ANKRD27: variants seen among roughly 807,000 people sequenced by gnomAD.
The protein encoded by ANKRD27 is ankyrin repeat domain-containing protein 27.
In ANKRD27, 112 loss-of-function variants were observed where a neutral mutation model predicts 129.7. That is an observed-to-expected ratio of 0.86 (90% CI 0.74 to 1.01). The LOEUF is 1.01. Among genes scored for constraint, ANKRD27 ranks in the 50% least tolerant of loss-of-function variants. ANKRD27 has a pLI of 0.00. For synonymous variants in ANKRD27, 516 were observed against 511.2 expected (o/e 1.01, Z -0.13); for missense variants, 1,258 against 1,300.5 (o/e 0.97, Z 0.50).
At chr19:32,653,840 A>C (rs1967468717) in intron 2 of ANKRD27, among the ~76,000 whole-genome samples, 1 of 152,196 alleles carries the variant, frequency 6.6e-6, no homozygotes, top group Admixed American at 6.5e-5. Flanking sequence ...GCGGCCCAGC[A>C]GCGTGCACGC....
At chr19:32,599,894 A>G (rs892611530) in intron 27 of ANKRD27, 78 bp downstream of exon 27, 1 of 1,513,618 alleles carries the variant, frequency 6.6e-7, no homozygotes. Context: ...ATAACCAATT[A>G]CAATTGAAGC....
At chr19:32,643,380 G>T (rs914062678) in intron 7 of ANKRD27, 28 bp from the exon 8 acceptor site, 13 of 1,613,812 alleles carry the variant, frequency 8.1e-6, no homozygotes, top group Admixed American at 1.7e-5. Context: ...CCCATTCAGG[G>T]TGTGAGCGGG....
chr19:32,614,088 G>A (rs1971875408), intron 22 of ANKRD27, among the ~76,000 whole-genome samples: 1 of 151,924 alleles, frequency 6.6e-6, no homozygotes, highest in East Asian at 1.9e-4. Flanking sequence ...GGCGTGGCAG[G>A]GAGAGAGGTG....
Position 32,640,252 on chromosome 19 carries a change from C to T in ANKRD27, c.983+55G>A, listed in dbSNP as rs551638632. The T allele has an allele frequency of 3.1e-5, 46 of 1,479,764 alleles. No homozygotes were observed. The East Asian group carries it at 3.7e-4, about 12-fold the overall frequency. The allele number at this position is 1,479,764 out of a possible 1,614,324, so 91.7% of individuals were successfully genotyped here. On this transcript the variant is annotated intron_variant, in intron 11 of 28. Coordinates refer to ENST00000306065, the MANE Select transcript of ANKRD27 (RefSeq NM_032139.3). ...TGCTGGGATTACAGGCGTGAGCCACCGTGCCCGGCCAAGCACTGCCATTTT... is the reference window on the plus strand; with the variant it reads ...TGCTGGGATTACAGGCGTGAGCCACTGTGCCCGGCCAAGCACTGCCATTTT...
intron 22 of ANKRD27, among the ~76,000 whole-genome samples, chr19:32,609,724 T>C (rs1200778977): frequency 1.3e-5 from 2 of 151,842 alleles, no homozygotes; most frequent in Non-Finnish European, 2.9e-5. Flanking sequence ...AGGGAAACGT[T>C]GTGTATCTTG....
intron 4 of ANKRD27, among the ~76,000 whole-genome samples, chr19:32,644,779 C>G (rs1348640771): frequency 6.6e-6 from 1 of 152,210 alleles, no homozygotes; most frequent in Non-Finnish European, 1.5e-5. Flanking sequence ...CAAATGAAGA[C>G]TTATTATTTA....
chr19:32,619,596 G>A (rs1274991522), intron 18 of ANKRD27, 43 bp from the exon 19 acceptor site: 2 of 1,609,664 alleles, frequency 1.2e-6, no homozygotes, highest in South Asian at 2.2e-5. Context: ...CGTGAGATGG[G>A]GGTCGTCTCA....
At chr19:32,626,865 C>T (rs748565834) in intron 15 of ANKRD27, 38 bp from the exon 16 acceptor site, 8 of 1,462,218 alleles carry the variant, frequency 5.5e-6, no homozygotes, top group East Asian at 2.4e-5. Context: ...AGAAGGAAGG[C>T]GCAGAGGCCT....
intron 17 of ANKRD27, among the ~76,000 whole-genome samples, chr19:32,623,723 A>AT (rs909346536): frequency 4.6e-5 from 7 of 151,468 alleles, no homozygotes; most frequent in African/African-American, 1.7e-4. Context: ...TAATTTTTGT[A>AT]TTTTTTTAGT....
intron 2 of ANKRD27, among the ~76,000 whole-genome samples, chr19:32,656,123 A>AAAGAAAGAAAG (rs1568417894): frequency 2.5e-5 from 3 of 117,930 alleles, no homozygotes; most frequent in African/African-American, 9.8e-5. Context: ...AAAAGAAAAG[A>AAAGAAAGAAAG]AAAGAAAAGA....
At chr19:32,615,282 G>A (rs1399848445) in intron 22 of ANKRD27, among the ~76,000 whole-genome samples, 1 of 152,158 alleles carries the variant, frequency 6.6e-6, no homozygotes, top group Non-Finnish European at 1.5e-5. Context: ...ACTTTCCTGA[G>A]GGAAAAAGGA....
chr19:32,604,797 C>G (rs370086715), intron 24 of ANKRD27, among the ~76,000 whole-genome samples: 9 of 152,258 alleles, frequency 5.9e-5, no homozygotes, highest in East Asian at 1.9e-4. Context: ...GTGGCCCATG[C>G]CTATAATCCC....
rs1484799460 is a variant in ANKRD27 at position 32,597,073 on chromosome 19, T to C, written c.*1072A>G. 3 of 152,600 alleles carry C rather than the reference T, an allele frequency of 2.0e-5. No homozygotes were observed. The highest frequency in any genetic ancestry group is 4.8e-5 in the African/African-American group (2 of 41,446). The allele number at this position is 152,600 out of a possible 1,614,324, so 9.5% of individuals were successfully genotyped here. Reference sequence around the variant, plus strand: ...ACATATCCAAGGCACATTAGAAAATTAGAAATCATAAATTACTTTGTAGAA... The same window carrying C: ...ACATATCCAAGGCACATTAGAAAATCAGAAATCATAAATTACTTTGTAGAA... On this transcript the variant is annotated 3_prime_UTR_variant, in exon 29 of 29. Transcript: ENST00000306065.
intron 1 of ANKRD27, chr19:32,673,476 G>A: frequency 1.0e-6 from 1 of 985,246 alleles, no homozygotes; most frequent in Non-Finnish European, 1.2e-6. Flanking sequence ...CCCACCAGGT[G>A]AGCCCTCAAC....
At chr19:32,658,641 G>C (rs1967588835) in intron 2 of ANKRD27, among the ~76,000 whole-genome samples, 1 of 152,202 alleles carries the variant, frequency 6.6e-6, no homozygotes, top group Non-Finnish European at 1.5e-5. Context: ...GTGAGACCAA[G>C]TGTCACTGGG....
In ANKRD27 at chr19:32,654,207, GT is replaced by G. The variant is rs577733370; in HGVS notation, c.103-4416del. Among the ~76,000 whole-genome samples, 47 of 152,162 alleles carry G rather than the reference GT, an allele frequency of 3.1e-4. 1 individual carries two copies. The South Asian group carries it at 9.3e-3, about 30-fold the overall frequency. ...GAGCCACCATGCCTGGCCAAGACATGTTTTTAAGTGATTTCACATTTTTTGG... is the reference window on the plus strand; with the variant it reads ...GAGCCACCATGCCTGGCCAAGACATGTTTTAAGTGATTTCACATTTTTTGG... On this transcript the variant is annotated intron_variant, in intron 2 of 28. Transcript: ENST00000306065.
chr19:32,643,085 C>G (rs756550155), intron 9 of ANKRD27, 38 bp downstream of exon 9: 5 of 1,605,466 alleles, frequency 3.1e-6, no homozygotes, highest in Non-Finnish European at 4.3e-6. Context: ...GCACCCCTGC[C>G]TCTGAGGACA....
chr19:32,639,276 G>A, intron 12 of ANKRD27, 80 bp downstream of exon 12: 1 of 1,556,108 alleles, frequency 6.4e-7, no homozygotes, highest in Non-Finnish European at 8.8e-7. Context: ...GAATCCGTCT[G>A]CCCACATACC....
At chr19:32,648,383 T>G (rs952378046) in intron 3 of ANKRD27, among the ~76,000 whole-genome samples, 5 of 152,236 alleles carry the variant, frequency 3.3e-5, no homozygotes, top group African/African-American at 1.2e-4. Context: ...TTGGAGGACA[T>G]TCTATCAATG....
Sources: gnomAD v4.1 joint callset for allele counts (sites outside exome capture counted in the v4.1 genomes callset) on GRCh38, gnomAD v4.1.1 for gene constraint, MANE v1.5 for transcripts, NCBI Gene and HGNC (gene_info 2026-07-23, HGNC 2026-07-21) for gene names.